VAV3: variants seen among roughly 807,000 people sequenced by gnomAD.
VAV3 encodes the protein guanine nucleotide exchange factor VAV3.
Under a neutral mutation model 131.2 loss-of-function variants are expected in VAV3, and 94 were observed. That is an observed-to-expected ratio of 0.72 (90% CI 0.61 to 0.85). The LOEUF (loss-of-function observed/expected upper bound fraction) is 0.85. VAV3 is among the 40% of genes least tolerant of loss of function. The pLI, the probability that VAV3 is intolerant of heterozygous loss-of-function variation, is 0.00. For missense variants in VAV3, 939 were observed against 1,002.7 expected (o/e 0.94, Z 0.86); for synonymous variants, 349 against 342.0 (o/e 1.02, Z -0.22).
intron 2 of VAV3, among the ~76,000 whole-genome samples, chr1:107,847,512 T>C (rs1669024205): frequency 6.6e-6 from 1 of 151,822 alleles, no homozygotes; most frequent in African/African-American, 2.4e-5. Context: ...ATTAACAAAA[T>C]AGACCGCTAG....
At chr1:107,864,870 G>C (rs532006135) in intron 2 of VAV3, among the ~76,000 whole-genome samples, 1 of 152,134 alleles carries the variant, frequency 6.6e-6, no homozygotes, top group African/African-American at 2.4e-5. Flanking sequence ...CTTGAGAGCA[G>C]GGGGTCTTGA....
intron 2 of VAV3, among the ~76,000 whole-genome samples, chr1:107,798,373 A>G (rs1315486188): frequency 1.3e-5 from 2 of 150,358 alleles, no homozygotes; most frequent in Non-Finnish European, 3.0e-5. Flanking sequence ...CCCCTTCCCA[A>G]TTCCCAGGCA....
At chr1:107,686,266 C>T (rs1015221092) in intron 18 of VAV3, among the ~76,000 whole-genome samples, 9 of 151,956 alleles carry the variant, frequency 5.9e-5, no homozygotes, top group African/African-American at 1.7e-4. Context: ...GGACGCCCCA[C>T]GGATTCTGTG....
At chr1:107,935,766 C>T (rs1673681043) in intron 1 of VAV3, among the ~76,000 whole-genome samples, 1 of 152,070 alleles carries the variant, frequency 6.6e-6, no homozygotes, top group Non-Finnish European at 1.5e-5. Flanking sequence ...CAACCAAGGC[C>T]ATTACCTATG....
intron 1 of VAV3, among the ~76,000 whole-genome samples, chr1:107,899,614 T>C (rs887302201): frequency 6.6e-6 from 1 of 152,194 alleles, no homozygotes; most frequent in Non-Finnish European, 1.5e-5. Flanking sequence ...CATTGGAATT[T>C]TCTAAGGCAG....
At chr1:107,796,904 T>C (rs1666578592) in intron 2 of VAV3, among the ~76,000 whole-genome samples, 1 of 151,608 alleles carries the variant, frequency 6.6e-6, no homozygotes, top group African/African-American at 2.4e-5. Context: ...ATCATTTTGT[T>C]ACTTTCTCCT....
chr1:107,795,736 TAGAAAC>T (rs1666508794), intron 2 of VAV3, among the ~76,000 whole-genome samples: 1 of 152,248 alleles, frequency 6.6e-6, no homozygotes, highest in Non-Finnish European at 1.5e-5. Flanking sequence ...TTTAATAGTT[TAGAAAC>T]AGAAATGTGA....
chr1:107,887,222 C>G (rs778792947), intron 1 of VAV3, among the ~76,000 whole-genome samples: 37 of 152,322 alleles, frequency 2.4e-4, no homozygotes, highest in African/African-American at 8.9e-4. Flanking sequence ...CGCTCTTACC[C>G]GCATGGCAGA....
At chr1:107,651,538 A>AAGGAAGGG (rs1024470204) in intron 19 of VAV3, among the ~76,000 whole-genome samples, 2 of 133,754 alleles carry the variant, frequency 1.5e-5, no homozygotes, top group South Asian at 2.8e-4. Context: ...GAAACAAAGT[A>AAGGAAGGG]AGGAAGGGAG....
At chr1:107,926,780 C>T (rs1434080175) in intron 1 of VAV3, among the ~76,000 whole-genome samples, 1 of 152,158 alleles carries the variant, frequency 6.6e-6, no homozygotes, top group Non-Finnish European at 1.5e-5. Context: ...AATTTTCCAT[C>T]TCAGCAGTCA....
intron 1 of VAV3, among the ~76,000 whole-genome samples, chr1:107,885,263 A>T (rs372008126): frequency 6.7e-6 from 1 of 148,990 alleles, no homozygotes; most frequent in Non-Finnish European, 1.5e-5. Context: ...TTTATTTTTT[A>T]TTTTTATTTT....
intron 15 of VAV3, among the ~76,000 whole-genome samples, chr1:107,719,168 C>T (rs1303638207): frequency 2.0e-5 from 3 of 152,192 alleles, no homozygotes; most frequent in African/African-American, 4.8e-5. Context: ...ATGACTAAAA[C>T]ACCAAAAGCA....
At chr1:107,768,642 G>A in intron 6 of VAV3, 133 bp from the exon 7 acceptor site, 1 of 583,430 alleles carries the variant, frequency 1.7e-6, no homozygotes, top group Non-Finnish European at 2.9e-6. Context: ...CAAAATTGTA[G>A]AAACTATTTT....
chr1:107,904,004 T>C (rs1198252690), intron 1 of VAV3, among the ~76,000 whole-genome samples: 1 of 152,162 alleles, frequency 6.6e-6, no homozygotes, highest in African/African-American at 2.4e-5. Flanking sequence ...TTGGTCTCTC[T>C]GTCCTTGGCT....
In VAV3 at chr1:107,573,282, T is replaced by G. The variant is rs375285827; in HGVS notation, c.*49A>C. 10 of 1,605,050 alleles carry G rather than the reference T, an allele frequency of 6.2e-6. No individual in the cohort carries two copies. The highest frequency in any genetic ancestry group is 8.5e-6 in the Non-Finnish European group (10 of 1,174,960). On this transcript the variant is annotated 3_prime_UTR_variant, in exon 27 of 27. Coordinates refer to ENST00000370056, the MANE Select transcript of VAV3 (RefSeq NM_006113.5). ...TCACGATGCTGTGCAGGCTTCTATT[T>G]ATCCCTTCTCTGAAATTTTTGGTGC...
At chr1:107,948,046 G>A (rs1674355775) in intron 1 of VAV3, among the ~76,000 whole-genome samples, 1 of 152,208 alleles carries the variant, frequency 6.6e-6, no homozygotes, top group African/African-American at 2.4e-5. Flanking sequence ...CCTAGGAACT[G>A]AGTAATGCTG....
chr1:107,854,720 C>A (rs1249088495), intron 2 of VAV3, among the ~76,000 whole-genome samples: 1 of 152,200 alleles, frequency 6.6e-6, no homozygotes, highest in Admixed American at 6.5e-5. Flanking sequence ...TTGAGACTAT[C>A]TTTCCCTGCC....
At chr1:107,787,378 T>C (rs1206693649) in intron 2 of VAV3, among the ~76,000 whole-genome samples, 1 of 152,132 alleles carries the variant, frequency 6.6e-6, no homozygotes, top group Non-Finnish European at 1.5e-5. Context: ...ACCATAACAA[T>C]GAAGGGTACT....
intron 1 of VAV3, among the ~76,000 whole-genome samples, chr1:107,878,628 G>T (rs1670619944): frequency 6.6e-6 from 1 of 152,130 alleles, no homozygotes; most frequent in South Asian, 2.1e-4. Context: ...TCTGATAAAA[G>T]TACTTCATAC....
Sources: gnomAD v4.1 joint callset for allele counts (sites outside exome capture counted in the v4.1 genomes callset) on GRCh38, gnomAD v4.1.1 for gene constraint, MANE v1.5 for transcripts, NCBI Gene and HGNC (gene_info 2026-07-23, HGNC 2026-07-21) for gene names.